MAP3K9: variants seen among roughly 807,000 people sequenced by gnomAD.
The protein encoded by MAP3K9 is mixed lineage kinase 1 (tyr and ser/thr specificity).
A neutral mutation model predicts 95.8 loss-of-function variants in MAP3K9; 46 were observed. The ratio of observed to expected loss-of-function variants is 0.48; its 90% CI spans 0.38 to 0.61. The LOEUF is 0.61. MAP3K9 is among the 20% of genes least tolerant of loss of function. The pLI is 0.00. For synonymous variants in MAP3K9, 533 were observed against 593.8 expected (o/e 0.90, Z 1.49); for missense variants, 1,296 against 1,474.3 (o/e 0.88, Z 1.98).
intron 3 of MAP3K9, chr14:70,752,935 T>C (rs2054249863): frequency 6.6e-6 from 1 of 152,280 alleles, no homozygotes; most frequent in Non-Finnish European, 1.5e-5. Flanking sequence ...GCTCTGCTCT[T>C]ACCTGGCTTG....
At chr14:70,793,420 C>G (rs1330149982) in intron 2 of MAP3K9, among the ~76,000 whole-genome samples, 2 of 152,160 alleles carry the variant, frequency 1.3e-5, no homozygotes, top group African/African-American at 4.8e-5. Context: ...GGCCTGGTGG[C>G]TCACGCCTGT....
chr14:70,772,954 A>AC (rs1371155037), intron 2 of MAP3K9, among the ~76,000 whole-genome samples: 2 of 152,204 alleles, frequency 1.3e-5, no homozygotes, highest in African/African-American at 4.8e-5. Context: ...ATCAGTCAGG[A>AC]CCCCAGACCA....
At chr14:70,745,582 A>G (rs529945324) in intron 5 of MAP3K9, among the ~76,000 whole-genome samples, 41 of 152,282 alleles carry the variant, frequency 2.7e-4, no homozygotes, top group Admixed American at 9.8e-4. Flanking sequence ...TACTAAAAAC[A>G]TAAGAATCAG....
intron 2 of MAP3K9, 72 bp from the exon 3 acceptor site, chr14:70,761,254 T>G: frequency 2.6e-5 from 34 of 1,300,588 alleles, no homozygotes; most frequent in Non-Finnish European, 3.4e-5. Context: ...AACAGAACTC[T>G]TCTGCCATCC....
At chr14:70,770,995 A>T (rs2054524327) in intron 2 of MAP3K9, among the ~76,000 whole-genome samples, 1 of 151,728 alleles carries the variant, frequency 6.6e-6, no homozygotes, top group Admixed American at 6.6e-5. Context: ...CCAAGAAGAA[A>T]AGGCAGTCAA....
intron 2 of MAP3K9, among the ~76,000 whole-genome samples, chr14:70,792,184 G>A (rs1056687749): frequency 2.0e-5 from 3 of 152,146 alleles, no homozygotes; most frequent in Admixed American, 6.5e-5. Context: ...TCTGAGACAC[G>A]CCAGGTGGCT....
chr14:70,793,196 CTA>C (rs1332847649), intron 2 of MAP3K9, among the ~76,000 whole-genome samples: 1 of 152,220 alleles, frequency 6.6e-6, no homozygotes, highest in African/African-American at 2.4e-5. Flanking sequence ...CGGCAACTGG[CTA>C]CAGTGGAGAC....
In MAP3K9 at chr14:70,798,471, G is replaced by GTTTTT. The variant is rs1170327816; in HGVS notation, c.820+2191_820+2195dup. Among the ~76,000 whole-genome samples the GTTTTT allele has an allele frequency of 3.4e-3, 224 of 65,438 alleles. 14 individuals are homozygous for GTTTTT. The highest frequency in any genetic ancestry group is 5.7e-3 in the African/African-American group (92 of 16,148). 42.9% of individuals were successfully genotyped at this position (65,438 alleles called of 152,430 possible). A position where few individuals can be genotyped will look rare whatever the true frequency, so the allele number is the denominator to read the frequency against. On this transcript the variant is annotated intron_variant, in intron 2 of 11. Transcript: ENST00000554752. Reference sequence around the variant, plus strand: ...TTACTTTGAAAAGAGGTCACCAAAAGTTTTTTTTTTTTTTTTTTTTTTTTT... The same window carrying GTTTTT: ...TTACTTTGAAAAGAGGTCACCAAAAGTTTTTTTTTTTTTTTTTTTTTTTTTTTTTT...
chr14:70,793,487 G>A (rs899134033), intron 2 of MAP3K9, among the ~76,000 whole-genome samples: 2 of 152,028 alleles, frequency 1.3e-5, no homozygotes, highest in Non-Finnish European at 2.9e-5. Flanking sequence ...AGGAGTTCAA[G>A]ACCAGCCTGG....
chr14:70,801,779 C>T (rs542553020), intron 1 of MAP3K9, among the ~76,000 whole-genome samples: 1 of 152,264 alleles, frequency 6.6e-6, no homozygotes, highest in East Asian at 1.9e-4. Flanking sequence ...GAAATTGGCC[C>T]TAAAGAGTGA....
At position 70,730,522 on chromosome 14, in the gene MAP3K9, C is replaced by T. The variant is rs773139386; in HGVS notation, c.3173G>A (p.Gly1058Glu). 3 of 1,613,992 alleles carry T rather than the reference C, an allele frequency of 1.9e-6. No individual in the cohort carries two copies. The highest frequency in any genetic ancestry group is 2.5e-6 in the Non-Finnish European group (3 of 1,180,042). Reference sequence around the variant, plus strand: ...CGTCCGCTCAGTCGGGGGCAGCGGCCCTGCCTGGAACGGGAGCAGGGCTGG... The same window carrying T: ...CGTCCGCTCAGTCGGGGGCAGCGGCTCTGCCTGGAACGGGAGCAGGGCTGG... The part of the protein sequence containing the change: ...GLPALLPFQA[G>E]PLPPTERTLL... Residue 1058 changes from glycine to glutamate, a missense_variant, in exon 12 of 12, where the codon GGG (glycine) becomes GAG (glutamate). This residue lies in a region of MAP3K9 where 433 missense variants were observed against 441.4 expected (regional missense o/e 0.98). Transcript: ENST00000554752.
Position 70,801,021 on chromosome 14 carries a change from C to G in MAP3K9, c.466G>C (p.Gly156Arg). 1 of 1,614,200 alleles carries G rather than the reference C, an allele frequency of 6.2e-7. No homozygotes were observed. The highest frequency in any genetic ancestry group is 8.5e-7 in the Non-Finnish European group (1 of 1,180,036). ...ATCCAGAAAGCACGATAGACCTTCCCAAAGCCCCCGATGCCAATAATCTCT... is the reference window on the plus strand; with the variant it reads ...ATCCAGAAAGCACGATAGACCTTCCGAAAGCCCCCGATGCCAATAATCTCT... ...LEEIIGIGGF[G>R]KVYRAFWIGD... Residue 156 changes from glycine to arginine, a missense_variant, in exon 2 of 12, where the codon GGG (glycine) becomes CGG (arginine). This residue lies in a region of MAP3K9 where 338 missense variants were observed against 363.4 expected (regional missense o/e 0.93). Coordinates refer to ENST00000554752, the MANE Select transcript of MAP3K9 (RefSeq NM_001284230.2).
At chr14:70,802,575 T>C (rs2054942571) in intron 1 of MAP3K9, among the ~76,000 whole-genome samples, 1 of 152,220 alleles carries the variant, frequency 6.6e-6, no homozygotes, top group Non-Finnish European at 1.5e-5. Flanking sequence ...TCTTTTGTCT[T>C]TACCTGGCTG....
rs563938362 is a variant in MAP3K9 at position 70,733,544 on chromosome 14, C to T, written c.2027-202G>A. The stretch of plus-strand genomic sequence containing the variant: ...CCCCCCAACACAGGGAAACCACTCT[C>T]CATTCCAGAGCCCATTTCCTTAGAG... On this transcript the variant is annotated intron_variant, in intron 10 of 11. Coordinates refer to ENST00000554752, the MANE Select transcript of MAP3K9 (RefSeq NM_001284230.2). 1.1e-3 allele frequency among the ~76,000 whole-genome samples: 166 copies of T among 152,340 alleles called. 2 individuals are homozygous for T. The highest frequency in any genetic ancestry group is 3.8e-3 in the African/African-American group (159 of 41,572).
In MAP3K9 at chr14:70,808,994, C is replaced by T. The variant is rs758632490; in HGVS notation, c.178G>A (p.Val60Met). Residue 60 changes from valine to methionine, a missense_variant, in exon 1 of 12, where the codon GTG (valine) becomes ATG (methionine). By Grantham distance (21) the Val-to-Met change is conservative. This residue lies in a region of MAP3K9 where 338 missense variants were observed against 363.4 expected (regional missense o/e 0.93). Transcript: ENST00000554752. ...TCGCCCGCCGCCTCGTACTCGAACA[C>T]GGCCGTCCAGTAGGGCAGCGGCGCG... is the stretch of plus-strand genomic sequence containing the variant. ...CDAPLPYWTA[V>M]FEYEAAGEDE... is the part of the protein sequence containing the mutation. 7 of 1,552,692 alleles carry T rather than the reference C, an allele frequency of 4.5e-6. No homozygotes were observed. In the South Asian group the frequency reaches 7.1e-5, roughly 16 times the overall value.
At chr14:70,731,841 T>C (rs2053907992) in intron 11 of MAP3K9, among the ~76,000 whole-genome samples, 1 of 152,232 alleles carries the variant, frequency 6.6e-6, no homozygotes, top group African/African-American at 2.4e-5. Flanking sequence ...TGCCCCCTTT[T>C]CCTACTGGAT....
rs1020738548 is a variant in MAP3K9, at chr14:70,730,246, C to T, written c.*134G>A. 2 of 1,330,134 alleles carry T rather than the reference C, an allele frequency of 1.5e-6. No individual in the cohort carries two copies. The highest frequency in any genetic ancestry group is 2.0e-6 in the Non-Finnish European group (2 of 982,284). 82.4% of individuals were successfully genotyped at this position (1,330,134 alleles called of 1,614,324 possible). ...GAAGTGGCCCTGTTTCCATCCCTTC[C>T]ATCTTCAAAGTGCATTATCAGTGCA... On this transcript the variant is annotated 3_prime_UTR_variant, in exon 12 of 12. Transcript: ENST00000554752.
At position 70,800,714 on chromosome 14, in the gene MAP3K9, T is replaced by A. The variant is rs758741981; in HGVS notation, c.773A>T (p.Asp258Val). ...GTGGATGATGGGAACAATTGCCTCA[T>A]CATGTAAGTAGTTCATCCCTCTGGC... ...QIARGMNYLH[D>V]EAIVPIIHRD... The change falls in exon 2 of 12, where the codon GAT becomes GTT. Residue 258 changes from aspartate to valine, a missense_variant. Asp to Val is a radical substitution (Grantham distance 152). Coordinates refer to ENST00000554752, the MANE Select transcript of MAP3K9 (RefSeq NM_001284230.2). The A allele has an allele frequency of 9.3e-6, 15 of 1,614,004 alleles. No individual in the cohort carries two copies. In the African/African-American group the frequency reaches 1.9e-4, roughly 20 times the overall value.
At chr14:70,770,783 C>T (rs934040981) in intron 2 of MAP3K9, among the ~76,000 whole-genome samples, 1 of 152,126 alleles carries the variant, frequency 6.6e-6, no homozygotes, top group Admixed American at 6.5e-5. Context: ...GTACACAGTC[C>T]TAAGGGGTTC....
Sources: allele counts gnomAD v4.1 joint callset (sites outside exome capture counted in the v4.1 genomes callset), GRCh38; gene constraint gnomAD v4.1.1; regional missense constraint gnomAD v4.1.1; transcripts MANE v1.5; gene names NCBI Gene and HGNC (gene_info 2026-07-23, HGNC 2026-07-21).